The following UBR3 variants were observed in gnomAD, a reference collection of about 807,000 sequenced individuals.
UBR3 encodes E3 ubiquitin-protein ligase UBR3.
Under a neutral mutation model 243.2 loss-of-function variants are expected in UBR3, and 85 were observed. The observed-to-expected ratio is 0.35, with a 90% CI of 0.29 to 0.42. The LOEUF (loss-of-function observed/expected upper bound fraction) is 0.42, where lower values mean the gene tolerates loss of function less well. Ranked by LOEUF, UBR3 falls within the 10% of genes least tolerant of loss-of-function variation. UBR3 has a pLI of 1.00. For missense variants in UBR3, 1,686 were observed against 2,300.8 expected (o/e 0.73, Z 5.47); for synonymous variants, 748 against 799.8 (o/e 0.94, Z 1.09).
At chr2:170,066,742 G>C (rs1039785229) in intron 35 of UBR3, among the ~76,000 whole-genome samples, 6 of 151,982 alleles carry the variant, frequency 3.9e-5, no homozygotes, top group African/African-American at 1.2e-4. Context: ...TGAGGTGGGC[G>C]ATCACAAGGT....
intron 35 of UBR3, among the ~76,000 whole-genome samples, chr2:170,067,183 C>T (rs1392369570): frequency 1.3e-5 from 2 of 152,032 alleles, no homozygotes; most frequent in Admixed American, 1.3e-4. Context: ...TTCCTTGCCA[C>T]ACAAAACATT....
intron 18 of UBR3, among the ~76,000 whole-genome samples, chr2:169,929,884 A>G (rs148892806): frequency 6.6e-6 from 1 of 152,324 alleles, no homozygotes; most frequent in African/African-American, 2.4e-5. Flanking sequence ...TTGAAGTTGT[A>G]AATAATATAC....
In UBR3 at chr2:169,927,364, C is replaced by A; in HGVS notation, c.2383C>A (p.Leu795Met). The A allele has an allele frequency of 6.4e-7, 1 of 1,551,042 alleles. No homozygotes were observed. The highest frequency in any genetic ancestry group is 8.7e-7 in the Non-Finnish European group (1 of 1,146,720). ...TCTCAGGGCCGAGATGGTAGCCCAG[C>A]TGTGTATGAATGACAGGACACACAG... ...EILRAEMVAQLCMNDRTHSSL... is the reference protein window; with the variant it reads ...EILRAEMVAQMCMNDRTHSSL... The change falls in exon 17 of 39, where the codon CTG becomes ATG. Residue 795 changes from leucine to methionine, a missense_variant. Physicochemically the swap from Leu to Met is conservative, Grantham distance 15 (BLOSUM62 2). Transcript: ENST00000272793.
At chr2:169,856,012 G>A (rs1476635008) in intron 1 of UBR3, among the ~76,000 whole-genome samples, 1 of 151,578 alleles carries the variant, frequency 6.6e-6, no homozygotes, top group African/African-American at 2.4e-5. Flanking sequence ...GCTGCCAGGC[G>A]GAGACGCTCC....
In UBR3 at chr2:169,896,517, C is replaced by G; in HGVS notation, c.1247C>G (p.Thr416Arg). The G allele has an allele frequency of 1.3e-6, 2 of 1,516,386 alleles. No individual in the cohort carries two copies. The highest frequency in any genetic ancestry group is 1.8e-6 in the Non-Finnish European group (2 of 1,127,304). The allele number at this position is 1,516,386 out of a possible 1,614,324, so 93.9% of individuals were successfully genotyped here. A position where few individuals can be genotyped will look rare whatever the true frequency, so the allele number is the denominator to read the frequency against. The part of the protein sequence containing the change: ...LPDQEYKVAF[T>R]KTFVQHYAFI... ...TTAAAATGTTTACAGGTTGCTTTTA[C>G]AAAAACTTTTGTTCAGCATTATGCT... The change falls in exon 8 of 39, where the codon ACA (threonine) becomes AGA (arginine). Residue 416 changes from threonine (T) to arginine (R), a missense_variant. Physicochemically the swap from Thr to Arg is moderately conservative, Grantham distance 71. This residue lies in a region of UBR3 where 200 missense variants were observed against 231.6 expected (regional missense o/e 0.86). Coordinates refer to ENST00000272793, the MANE Select transcript of UBR3 (RefSeq NM_172070.4).
intron 32 of UBR3, among the ~76,000 whole-genome samples, chr2:170,043,502 G>C (rs1353710128): frequency 6.6e-6 from 1 of 152,134 alleles, no homozygotes; most frequent in Non-Finnish European, 1.5e-5. Flanking sequence ...TAAATAAATA[G>C]AATAAATTCA....
intron 1 of UBR3, among the ~76,000 whole-genome samples, chr2:169,828,824 AC>A (rs2105272602): frequency 6.6e-6 from 1 of 152,328 alleles, no homozygotes; most frequent in South Asian, 2.1e-4. Context: ...ACTCACTGAT[AC>A]GTGAACCTCT....
intron 24 of UBR3, among the ~76,000 whole-genome samples, chr2:169,978,983 A>G (rs56811956): frequency 2.0e-5 from 3 of 152,318 alleles, no homozygotes; most frequent in African/African-American, 4.8e-5. Context: ...ATGATAAGCC[A>G]TAGACTGAGA....
chr2:169,863,916 C>G (rs556445250), intron 1 of UBR3, among the ~76,000 whole-genome samples: 7 of 152,316 alleles, frequency 4.6e-5, no homozygotes, highest in African/African-American at 1.7e-4. Flanking sequence ...GCATGCCTAG[C>G]CTACCTCCTT....
chr2:169,863,892 T>A (rs754074124), intron 1 of UBR3, among the ~76,000 whole-genome samples: 5 of 152,192 alleles, frequency 3.3e-5, no homozygotes, highest in Non-Finnish European at 5.9e-5. Context: ...TCCCTTATCC[T>A]CCTCCAGAGC....
At chr2:170,033,893 C>T (rs1488332191) in intron 31 of UBR3, among the ~76,000 whole-genome samples, 1 of 151,598 alleles carries the variant, frequency 6.6e-6, no homozygotes, top group Non-Finnish European at 1.5e-5. Context: ...CTCTTCCACC[C>T]ATTTCCTCTT....
intron 1 of UBR3, among the ~76,000 whole-genome samples, chr2:169,833,783 G>T (rs1004267353): frequency 6.6e-6 from 1 of 151,254 alleles, no homozygotes; most frequent in Non-Finnish European, 1.5e-5. Flanking sequence ...AGCATTTCTA[G>T]ATTTTTTTTT....
At chr2:169,942,456 G>A (rs1426737573) in intron 19 of UBR3, 37 bp from the exon 20 acceptor site, 3 of 1,514,662 alleles carry the variant, frequency 2.0e-6, no homozygotes, top group Middle Eastern at 3.5e-4. Flanking sequence ...TGATTTTGAG[G>A]CTATCATCTA....
At chr2:170,001,617 C>G (rs1286387820) in intron 27 of UBR3, among the ~76,000 whole-genome samples, 3 of 152,032 alleles carry the variant, frequency 2.0e-5, no homozygotes, top group African/African-American at 7.2e-5. Context: ...AGCAACTAGC[C>G]AGACGCAGTG....
chr2:169,872,654 TG>T (rs1450035324), intron 2 of UBR3, among the ~76,000 whole-genome samples: 1 of 152,166 alleles, frequency 6.6e-6, no homozygotes, highest in African/African-American at 2.4e-5. Flanking sequence ...AACCATTTTG[TG>T]GGGTTAACGT....
Position 169,949,705 on chromosome 2 carries a change from G to C in UBR3, c.3185G>C (p.Arg1062Pro). Reference sequence around the variant, plus strand: ...AGCAGTGAAGCAAATCAGGTGGTTCGTCCCAAAACTTCAAGTAAATGGTCT... The same window carrying C: ...AGCAGTGAAGCAAATCAGGTGGTTCCTCCCAAAACTTCAAGTAAATGGTCT... ...RSSSEANQVV[R>P]PKTSSKWSAP... Residue 1062 changes from arginine to proline, a missense_variant, in exon 23 of 39, where the codon CGT becomes CCT. Coordinates refer to ENST00000272793, the MANE Select transcript of UBR3 (RefSeq NM_172070.4). 6.4e-7 allele frequency: 1 copy of C among 1,551,522 alleles called. No homozygotes were observed. Among genetic ancestry groups the C allele is most frequent in the Non-Finnish European group, 8.7e-7 (1 of 1,146,716 alleles).
intron 24 of UBR3, among the ~76,000 whole-genome samples, chr2:169,975,377 A>G (rs1323176193): frequency 6.6e-6 from 1 of 152,178 alleles, no homozygotes; most frequent in Non-Finnish European, 1.5e-5. Flanking sequence ...GCCTAACGTG[A>G]TCTATCCTGG....
intron 2 of UBR3, among the ~76,000 whole-genome samples, chr2:169,875,337 T>C (rs1044873572): frequency 1.3e-5 from 2 of 152,146 alleles, no homozygotes; most frequent in Non-Finnish European, 2.9e-5. Context: ...CTGCTTCTTT[T>C]TGTTGTTTTT....
chr2:169,913,343 T>G (rs1332384427), intron 10 of UBR3, among the ~76,000 whole-genome samples: 2 of 142,314 alleles, frequency 1.4e-5, no homozygotes, highest in African/African-American at 4.9e-5. Context: ...CTGTTTTTTT[T>G]TGTTTGTTTG....
Sources: gnomAD v4.1 joint callset for allele counts (sites outside exome capture counted in the v4.1 genomes callset) on GRCh38, gnomAD v4.1.1 for gene constraint, gnomAD v4.1.1 regional missense constraint, MANE v1.5 for transcripts, NCBI Gene and HGNC (gene_info 2026-07-23, HGNC 2026-07-21) for gene names.